The following CSMD3 variants were observed in gnomAD, a reference collection of about 807,000 sequenced individuals.
The protein encoded by CSMD3 is CUB and sushi domain-containing protein 3.
CSMD3 carries 177 observed loss-of-function variants against 435.2 expected under a neutral mutation model. The ratio of observed to expected loss-of-function variants is 0.41; its 90% CI spans 0.36 to 0.46. CSMD3 has a LOEUF of 0.46. Ranked by LOEUF, CSMD3 falls within the 20% of genes least tolerant of loss-of-function variation. The pLI, the probability that CSMD3 is intolerant of heterozygous loss-of-function variation, is 0.34. For synonymous variants in CSMD3, 1,656 were observed against 1,520.5 expected, an observed-to-expected ratio of 1.09 and a Z score of -2.07; for missense variants, 4,265 against 4,504.6, an observed-to-expected ratio of 0.95 and a Z score of 1.52.
intron 35 of CSMD3, among the ~76,000 whole-genome samples, chr8:112,395,894 T>C (rs1830821954): frequency 6.6e-6 from 1 of 152,186 alleles, no homozygotes; most frequent in Non-Finnish European, 1.5e-5. Context: ...GTCTAATTTT[T>C]TTAAGTAAAA....
chr8:113,043,068 C>T (rs1265489188), intron 5 of CSMD3, among the ~76,000 whole-genome samples: 1 of 152,172 alleles, frequency 6.6e-6, no homozygotes, highest in East Asian at 1.9e-4. Context: ...AAAAAATATT[C>T]TATGCACCTT....
chr8:112,793,833 A>G (rs1253909067), intron 13 of CSMD3, among the ~76,000 whole-genome samples: 1 of 152,216 alleles, frequency 6.6e-6, no homozygotes, highest in Admixed American at 6.5e-5. Flanking sequence ...CAGGTAAGTT[A>G]TGGTTCACTG....
intron 68 of CSMD3, 137 bp downstream of exon 68, chr8:112,234,228 C>T: frequency 1.8e-6 from 1 of 549,968 alleles, no homozygotes; most frequent in Non-Finnish European, 3.2e-6. Context: ...CTTTAGAATA[C>T]TAAATATTTA....
intron 13 of CSMD3, among the ~76,000 whole-genome samples, chr8:112,752,658 C>G (rs1458389980): frequency 6.6e-6 from 1 of 151,332 alleles, no homozygotes; most frequent in Non-Finnish European, 1.5e-5. Flanking sequence ...AATAGGATAA[C>G]TAAAGAATAA....
chr8:113,222,196 TA>T (rs935549242), intron 3 of CSMD3, among the ~76,000 whole-genome samples: 6 of 151,322 alleles, frequency 4.0e-5, no homozygotes, highest in Non-Finnish European at 7.4e-5. Flanking sequence ...TTATTTTCTA[TA>T]ATGTTTTATT....
At chr8:112,591,620 G>C (rs1831200140) in intron 22 of CSMD3, among the ~76,000 whole-genome samples, 1 of 152,008 alleles carries the variant, frequency 6.6e-6, no homozygotes, top group South Asian at 2.1e-4. Flanking sequence ...AAATATACTT[G>C]ATTTAGATTG....
chr8:112,622,644 A>C (rs763772246), intron 22 of CSMD3, among the ~76,000 whole-genome samples: 6 of 152,154 alleles, frequency 3.9e-5, no homozygotes, highest in Admixed American at 1.3e-4. Context: ...AAGTTCATTC[A>C]TGCTGAATTA....
At chr8:112,459,055 T>C (rs1817158993) in intron 32 of CSMD3, among the ~76,000 whole-genome samples, 1 of 152,048 alleles carries the variant, frequency 6.6e-6, no homozygotes. Context: ...CCCTCATTGT[T>C]TCTCATCCAT....
At chr8:112,251,638 T>C (rs1014953891) in intron 63 of CSMD3, among the ~76,000 whole-genome samples, 2 of 151,804 alleles carry the variant, frequency 1.3e-5, no homozygotes, top group African/African-American at 4.8e-5. Flanking sequence ...ATATAATCAC[T>C]ATGGTTAGTT....
chr8:112,339,621 T>A (rs1295481198), intron 42 of CSMD3, among the ~76,000 whole-genome samples: 1 of 152,162 alleles, frequency 6.6e-6, no homozygotes, highest in African/African-American at 2.4e-5. Context: ...CTTGTACCGG[T>A]GACAACAGGA....
Position 112,456,113 on chromosome 8 carries a change from C to T in CSMD3, c.5395+16478G>A, listed in dbSNP as rs1474502087. Among the ~76,000 whole-genome samples the T allele has an allele frequency of 4.6e-5, 7 of 150,820 alleles. No homozygotes were observed. The South Asian group carries it at 6.3e-4, about 14-fold the overall frequency. The stretch of plus-strand genomic sequence containing the variant: ...TAAATGTAAAACAAAATTTGGAAGC[C>T]GGAAAAAAAATGTGGAAAAGGATTA... On this transcript the variant is annotated intron_variant, in intron 32 of 70. Transcript: ENST00000297405.
intron 13 of CSMD3, among the ~76,000 whole-genome samples, chr8:112,735,654 T>C (rs1164522265): frequency 1.3e-5 from 2 of 151,996 alleles, no homozygotes; most frequent in East Asian, 1.9e-4. Context: ...AAAAAGTGCT[T>C]GAAACTTGAG....
Position 112,346,114 on chromosome 8 carries a change from T to A in CSMD3, c.6425A>T (p.Asn2142Ile), listed in dbSNP as rs910336472. The change falls in exon 41 of 71, where the codon AAT becomes ATT. Residue 2142 changes from asparagine to isoleucine, a missense_variant. Asn to Ile is a moderately radical substitution (Grantham distance 149). Transcript: ENST00000297405. ...PSSLDCTWTI[N>I]LPIGFGVHLQ... ...ACACATACCAAAACCTATGGGTAGATTTATTGTCCATGTGCAATCTAAACT... is the reference window on the plus strand; with the variant it reads ...ACACATACCAAAACCTATGGGTAGAATTATTGTCCATGTGCAATCTAAACT... 6.3e-7 allele frequency: 1 copy of A among 1,596,104 alleles called. No individual in the cohort carries two copies. Among genetic ancestry groups the A allele is most frequent in the Non-Finnish European group, 8.6e-7 (1 of 1,163,748 alleles).
intron 6 of CSMD3, among the ~76,000 whole-genome samples, chr8:113,017,559 C>G (rs1025294130): frequency 6.6e-6 from 1 of 151,780 alleles, no homozygotes; most frequent in Non-Finnish European, 1.5e-5. Flanking sequence ...TAGAAAAGAT[C>G]ACAGGAATCG....
chr8:113,243,209 C>T lies in CSMD3; in HGVS notation c.514+35383G>A, dbSNP rs73701345. On this transcript the variant is annotated intron_variant, in intron 3 of 70. Transcript: ENST00000297405. ...CTGCATTTGGTGTAAAATTATTTAT[C>T]CACACATTCTTTCTTTAAAAAAGAA... Among the ~76,000 whole-genome samples the T allele has an allele frequency of 7.8e-3, 1,180 of 151,882 alleles. 19 individuals are homozygous for T. Among genetic ancestry groups the T allele is most frequent in the African/African-American group, 0.027 (1,120 of 41,474 alleles).
At chr8:112,662,143 A>G (rs1050677768) in intron 17 of CSMD3, among the ~76,000 whole-genome samples, 1 of 152,178 alleles carries the variant, frequency 6.6e-6, no homozygotes, top group Non-Finnish European at 1.5e-5. Flanking sequence ...GCTACCGATG[A>G]CTTTCTTCAC....
At chr8:113,305,913 G>A in intron 2 of CSMD3, among the ~76,000 whole-genome samples, 1 of 152,106 alleles carries the variant, frequency 6.6e-6, no homozygotes, top group Non-Finnish European at 1.5e-5. Context: ...TAAAGTATTA[G>A]GTAGGGGGAT....
chr8:112,237,935 C>T (rs1293594142), intron 66 of CSMD3, among the ~76,000 whole-genome samples: 1 of 151,956 alleles, frequency 6.6e-6, no homozygotes, highest in Admixed American at 6.6e-5. Context: ...TAGAAATTGT[C>T]ACTAGTATTG....
At chr8:113,385,419 C>T (rs1040253215) in intron 1 of CSMD3, among the ~76,000 whole-genome samples, 3 of 152,092 alleles carry the variant, frequency 2.0e-5, no homozygotes, top group Non-Finnish European at 4.4e-5. Context: ...TATGTCTAGT[C>T]ATTATGATGT....
Sources: allele counts gnomAD v4.1 joint callset (sites outside exome capture counted in the v4.1 genomes callset), GRCh38; gene constraint gnomAD v4.1.1; transcripts MANE v1.5; gene names NCBI Gene and HGNC (gene_info 2026-07-23, HGNC 2026-07-21).